The following RP1L1 variants were observed in gnomAD, a reference collection of about 807,000 sequenced individuals.
RP1L1 encodes RP1 like 1.
RP1L1 carries 27 observed loss-of-function variants against 15.7 expected under a neutral mutation model. The ratio of observed to expected loss-of-function variants is 1.72; its 90% confidence interval spans 1.27 to 2.38. The LOEUF (loss-of-function observed/expected upper bound fraction) is 2.38, where lower values mean the gene tolerates loss of function less well. Ranked by LOEUF, RP1L1 falls within the 30% of genes most tolerant of loss-of-function variation. The pLI, the probability that RP1L1 is intolerant of heterozygous loss-of-function variation, is 0.00. For missense variants in RP1L1, 4,798 were observed against 3,075.9 expected (o/e 1.56, Z -13.24); for synonymous variants, 1,813 against 1,276.7 (o/e 1.42, Z -8.96).
intron 3 of RP1L1, among the ~76,000 whole-genome samples, chr8:10,615,642 C>G (rs181592129): frequency 4.9e-4 from 74 of 152,186 alleles, no homozygotes; most frequent in South Asian, 3.7e-3. Context: ...CATCCTCCCC[C>G]CTCAGCCTCC....
rs771113712 is a variant in RP1L1, at chr8:10,607,641, C to G, written c.6457G>C (p.Ala2153Pro). ...GACTCTGGCTGGGCCTCCCCTTCTG[C>G]ATCCTGGGCCTCTACACCTTCTGAC... ...PESEGVEAQD[A>P]EGEAQPESEG... is the part of the protein sequence containing the mutation. Residue 2153 changes from alanine (A) to proline (P), a missense_variant, in exon 4 of 4, where the codon GCA (alanine) becomes CCA (proline). Coordinates refer to ENST00000382483, the MANE Select transcript of RP1L1 (RefSeq NM_178857.6). 1.9e-6 allele frequency: 3 copies of G among 1,594,170 alleles called. No individual in the cohort carries two copies. Among genetic ancestry groups the G allele is most frequent in the South Asian group, 2.2e-5 (2 of 89,510 alleles).
intron 1 of RP1L1, among the ~76,000 whole-genome samples, chr8:10,645,546 C>T (rs928690122): frequency 8.5e-5 from 13 of 152,128 alleles, no homozygotes; most frequent in African/African-American, 2.4e-4. Flanking sequence ...CAGCAGAGTC[C>T]AGCCCTCGGA....
In RP1L1 at chr8:10,607,568, A is replaced by C. The variant is rs777475406; in HGVS notation, c.6530T>G (p.Leu2177Ter). Residue 2177 changes from leucine (L) to a stop codon, truncating the protein, a stop_gained, in exon 4 of 4, where the codon TTA becomes TGA. Coordinates refer to ENST00000382483, the MANE Select transcript of RP1L1 (RefSeq NM_178857.6). LOFTEE classifies it low-confidence loss of function (END_TRUNC). ...TGCCTCTGGGGCCTCTACACCTTCT[A>C]ACTCTGGTTGGGCCTCCTCTTCAGC... ...QEAEEEAQPE[L>*]EGVEAPEAEG... 1.7e-5 allele frequency: 24 copies of C among 1,396,482 alleles called. No individual in the cohort carries two copies. In the East Asian group the frequency reaches 9.2e-4, roughly 54 times the overall value. 86.5% of individuals were successfully genotyped at this position (1,396,482 alleles called of 1,614,324 possible). A position where few individuals can be genotyped will look rare whatever the true frequency, so the allele number is the denominator to read the frequency against.
At chr8:10,624,894 C>T (rs377540723) in intron 1 of RP1L1, among the ~76,000 whole-genome samples, 4 of 152,246 alleles carry the variant, frequency 2.6e-5, no homozygotes, top group African/African-American at 7.2e-5. Flanking sequence ...GATGTGGGCC[C>T]CAGAGAGTGA....
Position 10,608,987 on chromosome 8 carries a change from T to C in RP1L1, c.5111A>G (p.Glu1704Gly), listed in dbSNP as rs1363896118. 2 of 1,613,134 alleles carry C rather than the reference T, an allele frequency of 1.2e-6. No homozygotes were observed. The highest frequency in any genetic ancestry group is 2.2e-5 in the South Asian group (2 of 91,062). Residue 1704 changes from glutamate to glycine, a missense_variant, in exon 4 of 4, where the codon GAG becomes GGG. By Grantham distance (98) the Glu-to-Gly change is moderately conservative. Transcript: ENST00000382483. ...CTTGCCAGGGGCCACCTCTGCTGCC[T>C]CCCCATCAGTGTGTTCTCCCCTCTT... The part of the protein sequence containing the change: ...QRKRGEHTDG[E>G]AAEVAPGKTH...
intron 2 of RP1L1, among the ~76,000 whole-genome samples, chr8:10,620,087 A>T (rs1798034747): frequency 6.6e-6 from 1 of 152,154 alleles, no homozygotes; most frequent in Non-Finnish European, 1.5e-5. Context: ...GGCGACTAAG[A>T]CACCTGTATC....
chr8:10,641,327 A>G (rs1339098588), intron 1 of RP1L1, among the ~76,000 whole-genome samples: 1 of 152,224 alleles, frequency 6.6e-6, no homozygotes, highest in Non-Finnish European at 1.5e-5. Context: ...TGGAGTCACC[A>G]TCTACAAGAC....
chr8:10,622,697 C>G lies in RP1L1; in HGVS notation c.505G>C (p.Val169Leu). Residue 169 changes from valine (V) to leucine (L), a missense_variant, in exon 2 of 4, where the codon GTT becomes CTT. Physicochemically the swap from Val to Leu is conservative, Grantham distance 32. Transcript: ENST00000382483. Reference sequence around the variant, plus strand: ...TTCCTAGTATTCCTGTGACTGAGAACCACTGTCTGCTGGAGGCGAGGGTCC... The same window carrying G: ...TTCCTAGTATTCCTGTGACTGAGAAGCACTGTCTGCTGGAGGCGAGGGTCC... ...NMDPRLQQTV[V>L]LSHRNTRNLA... 1 of 1,614,174 alleles carries G rather than the reference C, an allele frequency of 6.2e-7. No individual in the cohort carries two copies. The highest frequency in any genetic ancestry group is 8.5e-7 in the Non-Finnish European group (1 of 1,180,040).
intron 2 of RP1L1, among the ~76,000 whole-genome samples, chr8:10,617,227 T>G (rs1306515252): frequency 1.3e-5 from 2 of 152,002 alleles, no homozygotes; most frequent in Admixed American, 1.3e-4. Flanking sequence ...CAGAATTCCT[T>G]TCCAGGAAAC....
rs1563125175 is a variant in RP1L1 at position 10,612,378 on chromosome 8, G to A, written c.1720C>T (p.Pro574Ser). 6.2e-7 allele frequency: 1 copy of A among 1,612,822 alleles called. No homozygotes were observed. The highest frequency in any genetic ancestry group is 1.1e-5 in the South Asian group (1 of 91,080). Reference protein sequence around the residue: ...SQQEASEGGDPASPALSLSSL... With the variant: ...SQQEASEGGDSASPALSLSSL... Reference sequence around the variant, plus strand: ...GAAAGACTCAGGGCTGGAGAAGCGGGGTCGCCTCCCTCGCTGGCCTCCTGC... The same window carrying A: ...GAAAGACTCAGGGCTGGAGAAGCGGAGTCGCCTCCCTCGCTGGCCTCCTGC... Residue 574 changes from proline (P) to serine (S), a missense_variant, in exon 4 of 4, where the codon CCC (proline) becomes TCC (serine). Pro to Ser is a moderately conservative substitution (Grantham distance 74). Transcript: ENST00000382483.
chr8:10,622,684 C>G lies in RP1L1; in HGVS notation c.518G>C (p.Arg173Thr), dbSNP rs577991402. 1 of 1,614,202 alleles carries G rather than the reference C, an allele frequency of 6.2e-7. No individual in the cohort carries two copies. Among genetic ancestry groups the G allele is most frequent in the South Asian group, 1.1e-5 (1 of 91,070 alleles). ...AAAGGCGGCCAGGTTCCTAGTATTC[C>G]TGTGACTGAGAACCACTGTCTGCTG... ...RLQQTVVLSH[R>T]NTRNLAAFLG... Residue 173 changes from arginine to threonine, a missense_variant, in exon 2 of 4, where the codon AGG becomes ACG. By Grantham distance (71) the Arg-to-Thr change is moderately conservative (BLOSUM62 -1). Transcript: ENST00000382483.
intron 1 of RP1L1, among the ~76,000 whole-genome samples, chr8:10,625,200 A>T (rs1798137428): frequency 6.6e-6 from 1 of 152,154 alleles, no homozygotes; most frequent in Non-Finnish European, 1.5e-5. Flanking sequence ...CTGACCTCTT[A>T]ACAAAACATG....
chr8:10,651,204 G>C (rs1371180745), intron 1 of RP1L1, among the ~76,000 whole-genome samples: 1 of 147,618 alleles, frequency 6.8e-6, no homozygotes, highest in Non-Finnish European at 1.5e-5. Flanking sequence ...CCTGCAGTCT[G>C]AGCCTGGCCT....
chr8:10,644,197 T>C (rs1206350547), intron 1 of RP1L1, among the ~76,000 whole-genome samples: 2 of 151,050 alleles, frequency 1.3e-5, no homozygotes, highest in African/African-American at 4.9e-5. Context: ...GGTTACTCAC[T>C]CAGTACTGGG....
intron 1 of RP1L1, among the ~76,000 whole-genome samples, chr8:10,649,847 G>A (rs1798532833): frequency 6.6e-6 from 1 of 152,312 alleles, no homozygotes; most frequent in Non-Finnish European, 1.5e-5. Flanking sequence ...CCTGGAAAGA[G>A]ATAGTGGATG....
chr8:10,611,448 G>GCC lies in RP1L1; in HGVS notation c.2648_2649dup (p.Pro884GlyfsTer46). ...GTCCCCTCCTGCGGGCTCCCACCTGGCCCCCGGGCAGTGCTTTGGTGGCTG... is the reference window on the plus strand; with the variant it reads ...GTCCCCTCCTGCGGGCTCCCACCTGGCCCCCCCGGGCAGTGCTTTGGTGGCTG... On this transcript the variant is annotated frameshift_variant, in exon 4 of 4. Coordinates refer to ENST00000382483, the MANE Select transcript of RP1L1 (RefSeq NM_178857.6). LOFTEE classifies it low-confidence loss of function (END_TRUNC). The GCC allele has an allele frequency of 6.4e-7, 1 of 1,571,364 alleles. No individual in the cohort carries two copies. Among genetic ancestry groups the GCC allele is most frequent in the Non-Finnish European group, 8.6e-7 (1 of 1,160,864 alleles).
At chr8:10,648,931 C>T (rs1477153696) in intron 1 of RP1L1, among the ~76,000 whole-genome samples, 2 of 152,228 alleles carry the variant, frequency 1.3e-5, no homozygotes, top group African/African-American at 2.4e-5. Flanking sequence ...ACAGGAGCTG[C>T]GAGGACGCTT....
In RP1L1 at chr8:10,609,159, G is replaced by A; in HGVS notation, c.4939C>T (p.Leu1647=). ...PALSTALGSQ[L]GEEAEGEEFC... ...TCCTCCCCCTCCGCCTCCTCGCCCA[G>A]CTGGCTCCCCAGGGCTGTGCTGAGG... is the stretch of plus-strand genomic sequence containing the variant. The change falls in exon 4 of 4, where the codon CTG becomes TTG. Residue 1647 remains leucine, a synonymous_variant. Coordinates refer to ENST00000382483, the MANE Select transcript of RP1L1 (RefSeq NM_178857.6). The A allele has an allele frequency of 1.2e-6, 2 of 1,612,790 alleles. No homozygotes were observed. The highest frequency in any genetic ancestry group is 8.5e-7 in the Non-Finnish European group (1 of 1,179,522).
chr8:10,647,765 T>C (rs867785029), intron 1 of RP1L1, among the ~76,000 whole-genome samples: 1 of 152,252 alleles, frequency 6.6e-6, no homozygotes, highest in African/African-American at 2.4e-5. Flanking sequence ...GGATTATTTC[T>C]ACCTTTTGGC....
Sources: allele counts gnomAD v4.1 joint callset (sites outside exome capture counted in the v4.1 genomes callset), GRCh38; gene constraint gnomAD v4.1.1; transcripts MANE v1.5; gene names NCBI Gene and HGNC (gene_info 2026-07-23, HGNC 2026-07-21).